Variants in LUC7L observed in about 807,000 individuals in gnomAD.
LUC7L encodes the protein putative RNA-binding protein Luc7-like 1.
In LUC7L, 29 loss-of-function variants were observed where a neutral mutation model predicts 51.1. The observed-to-expected ratio is 0.57, with a 90% CI of 0.42 to 0.77. The LOEUF is 0.77. LUC7L is among the 30% of genes least tolerant of loss of function. LUC7L has a pLI of 0.00. For synonymous variants in LUC7L, 181 were observed against 180.7 expected, an observed-to-expected ratio of 1.00 and a Z score of -0.01; for missense variants, 403 against 511.9, an observed-to-expected ratio of 0.79 and a Z score of 2.05.
intron 5 of LUC7L, among the ~76,000 whole-genome samples, chr16:203,095 G>A (rs982205584): frequency 1.3e-5 from 2 of 152,134 alleles, no homozygotes; most frequent in Non-Finnish European, 2.9e-5. Flanking sequence ...AGGTTGCAGC[G>A]AGCCATCGCA....
At chr16:193,086 T>C (rs1216883537) in intron 6 of LUC7L, 71 bp from the exon 7 acceptor site, 1 of 1,178,742 alleles carries the variant, frequency 8.5e-7, no homozygotes. Flanking sequence ...ACTTAACAAA[T>C]CACCTTTATA....
chr16:201,205 C>CA (rs2049315386), intron 5 of LUC7L, among the ~76,000 whole-genome samples: 1 of 74,018 alleles, frequency 1.4e-5, no homozygotes, highest in Non-Finnish European at 2.6e-5. Context: ...AAGGAACTAG[C>CA]AAGAACTTGA....
intron 1 of LUC7L, chr16:228,752 G>C: frequency 7.9e-7 from 1 of 1,268,558 alleles, no homozygotes. Context: ...GTGCTGGGGG[G>C]AAGGGGGCAG....
At chr16:205,914 T>C (rs1033160361) in intron 5 of LUC7L, 90 bp downstream of exon 5, 2 of 1,458,708 alleles carry the variant, frequency 1.4e-6, no homozygotes, top group African/African-American at 1.4e-5. Flanking sequence ...TTTTAAAAAA[T>C]GGGAGCAAGC....
At chr16:213,755 C>T (rs892700612) in intron 3 of LUC7L, among the ~76,000 whole-genome samples, 4 of 152,056 alleles carry the variant, frequency 2.6e-5, no homozygotes, top group African/African-American at 7.2e-5. Context: ...CGCACTGTTT[C>T]CTGGACTGGA....
chr16:189,205 T>C lies in LUC7L; in HGVS notation c.1109A>G (p.Glu370Gly). Residue 370 changes from glutamate to glycine, a missense_variant, in exon 10 of 10, where the codon GAG becomes GGG. By Grantham distance (98) the Glu-to-Gly change is moderately conservative. Around this residue, in one of 3 missense-constraint regions of LUC7L, gnomAD observed 206 missense variants for 218.3 expected, o/e 0.94. Coordinates refer to ENST00000293872, the MANE Select transcript of LUC7L (RefSeq NM_201412.3). The part of the protein sequence containing the change: ...SRRSEEKEAG[E>G]I ...AGCACCCGGGAGACGGGTTCAGATC[T>C]CGCCGGCCTCCTTCTCTTCTGACCT... is the stretch of plus-strand genomic sequence containing the variant. The C allele has an allele frequency of 1.2e-6, 2 of 1,613,300 alleles. No homozygotes were observed. The highest frequency in any genetic ancestry group is 1.7e-6 in the Non-Finnish European group (2 of 1,179,530).
chr16:210,990 GC>G (rs2049622943), intron 3 of LUC7L, among the ~76,000 whole-genome samples: 1 of 150,494 alleles, frequency 6.6e-6, no homozygotes, highest in South Asian at 2.1e-4. Context: ...GGTAGAGCTT[GC>G]AGTGAGCAGA....
In LUC7L at chr16:220,752, G is replaced by A. The variant is rs1339454144; in HGVS notation, c.157-5C>T. 1 of 1,609,528 alleles carries A rather than the reference G, an allele frequency of 6.2e-7. No individual in the cohort carries two copies. Among genetic ancestry groups the A allele is most frequent in the South Asian group, 1.1e-5 (1 of 90,600 alleles). ...ACATTCTCCTAAATCCATGCGCTGT[G>A]GGAAAGAAACAGAAAATGCAGACCT... is the stretch of plus-strand genomic sequence containing the variant. On this transcript the variant is annotated splice_polypyrimidine_tract_variant and splice_region_variant and intron_variant, in intron 2 of 9. Transcript: ENST00000293872.
In LUC7L at chr16:190,056, G is replaced by A. The variant is rs2048970790; in HGVS notation, c.886C>T (p.Arg296Ter). 1.2e-6 allele frequency: 2 copies of A among 1,613,576 alleles called. No individual in the cohort carries two copies. The highest frequency in any genetic ancestry group is 1.7e-6 in the Non-Finnish European group (2 of 1,179,982). The change falls in exon 9 of 10, where the codon CGA becomes TGA. Residue 296 changes from arginine to a stop codon, truncating the protein, a stop_gained. Transcript: ENST00000293872. LOFTEE classifies it high-confidence loss of function. ...CTGCGGTGGCGCCGATGTCTATCTC[G>A]GGACCGGGACCGGGACAATTTCCGT... ...ERRKLSRSRS[R>*]DRHRRHRSRS...
chr16:189,869 C>A, intron 9 of LUC7L, 99 bp downstream of exon 9: 1 of 1,522,412 alleles, frequency 6.6e-7, no homozygotes, highest in Non-Finnish European at 8.8e-7. Context: ...GAGGGTGAGC[C>A]CAGCCCCATC....
intron 3 of LUC7L, among the ~76,000 whole-genome samples, chr16:211,697 T>C (rs1047539310): frequency 2.9e-5 from 4 of 138,876 alleles, no homozygotes; most frequent in African/African-American, 1.0e-4. Flanking sequence ...TCTCTCTCTA[T>C]CTCTGAGTAG....
Position 192,826 on chromosome 16 carries a change from C to T in LUC7L, c.776+101G>A. ...CCTTACTATTTTCTTTTATAACGGC[C>T]TATTGGGCAGGCCCTGCCTATTCCA... On this transcript the variant is annotated intron_variant, in intron 7 of 9. Coordinates refer to ENST00000293872, the MANE Select transcript of LUC7L (RefSeq NM_201412.3). 41 of 1,024,508 alleles carry T rather than the reference C, an allele frequency of 4.0e-5. 1 individual carries two copies. The South Asian group carries it at 5.1e-4, about 13-fold the overall frequency. The allele number at this position is 1,024,508 out of a possible 1,614,324, so 63.5% of individuals were successfully genotyped here. A position where few individuals can be genotyped will look rare whatever the true frequency, so the allele number is the denominator to read the frequency against.
intron 6 of LUC7L, among the ~76,000 whole-genome samples, chr16:195,065 T>C (rs61149004): frequency 0.06 from 9,134 of 152,162 alleles, 282 homozygotes; most frequent in Non-Finnish European, 0.071. Flanking sequence ...AGCTCTAAAC[T>C]TTCACCCATG....
intron 5 of LUC7L, among the ~76,000 whole-genome samples, 170 bp from the exon 6 acceptor site, chr16:199,408 T>C (rs921665116): frequency 1.3e-5 from 2 of 152,146 alleles, no homozygotes; most frequent in South Asian, 2.1e-4. Flanking sequence ...TTTCACTGTT[T>C]ATTTAAGAAA....
At chr16:193,436 CG>C (rs1567172635) in intron 6 of LUC7L, among the ~76,000 whole-genome samples, 1 of 152,034 alleles carries the variant, frequency 6.6e-6, no homozygotes, top group East Asian at 1.9e-4. Context: ...TGAGCCACCG[CG>C]CCCGGCCAAC....
In LUC7L at chr16:211,037, G is replaced by T. The variant is rs10454709; in HGVS notation, c.256-2849C>A. Among the ~76,000 whole-genome samples the T allele has an allele frequency of 2.3e-4, 33 of 140,796 alleles. 1 individual carries two copies. The highest frequency in any genetic ancestry group is 1.5e-3 in the Admixed American group (21 of 13,880). The allele number at this position is 140,796 out of a possible 152,430, so 92.4% of individuals were successfully genotyped here. A position where few individuals can be genotyped will look rare whatever the true frequency, so the allele number is the denominator to read the frequency against. On this transcript the variant is annotated intron_variant, in intron 3 of 9. Transcript: ENST00000293872. ...CACTGCACTCCAGCCTGGGTGACAG[G>T]GCAACACTCCGTCTCAAAAAAAAAA...
intron 5 of LUC7L, among the ~76,000 whole-genome samples, chr16:200,249 C>T (rs1596616180): frequency 6.6e-6 from 1 of 151,848 alleles, no homozygotes; most frequent in South Asian, 2.1e-4. Context: ...GGTGAAACCC[C>T]GTCTCTACTA....
intron 3 of LUC7L, among the ~76,000 whole-genome samples, chr16:217,712 A>C (rs1237977728): frequency 8.1e-6 from 1 of 123,048 alleles, no homozygotes; most frequent in African/African-American, 3.2e-5. Context: ...TGTTTCAAAA[A>C]AAAAAAAAAT....
intron 6 of LUC7L, among the ~76,000 whole-genome samples, chr16:195,224 G>C (rs980577190): frequency 6.6e-6 from 1 of 151,640 alleles, no homozygotes; most frequent in Non-Finnish European, 1.5e-5. Flanking sequence ...AGGAGTTTGA[G>C]ACCAGCCTGG....
Sources: allele counts gnomAD v4.1 joint callset (sites outside exome capture counted in the v4.1 genomes callset), GRCh38; gene constraint gnomAD v4.1.1; regional missense constraint gnomAD v4.1.1; transcripts MANE v1.5; gene names NCBI Gene and HGNC (gene_info 2026-07-23, HGNC 2026-07-21).